The following FAM120B variants were observed in gnomAD, a reference collection of about 807,000 sequenced individuals.
FAM120B encodes the protein constitutive coactivator of peroxisome proliferator-activated receptor gamma.
In FAM120B, 83 loss-of-function variants were observed where a neutral mutation model predicts 96.3. The observed-to-expected ratio is 0.86, with a 90% CI of 0.72 to 1.03. FAM120B has a LOEUF of 1.03. Among genes scored for constraint, FAM120B ranks in the 50% least tolerant of loss-of-function variants. The pLI, the probability that FAM120B is intolerant of heterozygous loss-of-function variation, is 0.00. For missense variants in FAM120B, 1,027 were observed against 1,121.2 expected (o/e 0.92, Z 1.20); for synonymous variants, 407 against 402.7 (o/e 1.01, Z -0.13).
In FAM120B at chr6:170,361,198, GTATATATATATATATATATATATATATA is replaced by G. The variant is rs71010657; in HGVS notation, c.2283+2891_2283+2918del. ...GCCTTAAAACTATATATATATACGT[GTATATATATATATATATATATATATATA>G]TATATATATACACGTATATATATAT... On this transcript the variant is annotated intron_variant, in intron 6 of 10. Coordinates refer to ENST00000476287, the MANE Select transcript of FAM120B (RefSeq NM_032448.3). 9.1e-5 allele frequency among the ~76,000 whole-genome samples: 6 copies of G among 66,026 alleles called. 1 individual carries two copies. Among genetic ancestry groups the G allele is most frequent in the Middle Eastern group, 0.028 (2 of 72 alleles). 43.3% of individuals were successfully genotyped at this position (66,026 alleles called of 152,430 possible). A position where few individuals can be genotyped will look rare whatever the true frequency, so the allele number is the denominator to read the frequency against.
intron 5 of FAM120B, among the ~76,000 whole-genome samples, chr6:170,354,748 C>T (rs1206812346): frequency 6.8e-6 from 1 of 147,898 alleles, no homozygotes. Context: ...ACGGTGAAAC[C>T]CCGTCTCTAC....
intron 9 of FAM120B, among the ~76,000 whole-genome samples, chr6:170,397,467 G>C (rs1778234212): frequency 6.6e-6 from 1 of 152,152 alleles, no homozygotes. Flanking sequence ...GAGGTCAGGT[G>C]GGCTAGACTT....
intron 6 of FAM120B, among the ~76,000 whole-genome samples, chr6:170,385,582 G>A (rs1790139807): frequency 6.6e-6 from 1 of 152,172 alleles, no homozygotes; most frequent in African/African-American, 2.4e-5. Flanking sequence ...AAGCCACTCT[G>A]GATGGCCATG....
chr6:170,321,747 C>T (rs1785301067), intron 2 of FAM120B, among the ~76,000 whole-genome samples: 2 of 152,180 alleles, frequency 1.3e-5, no homozygotes, highest in African/African-American at 4.8e-5. Context: ...AAGTGCTTTT[C>T]TTATATTGAC....
rs9460009 is a variant in FAM120B, at chr6:170,405,052, T to C, written c.*301T>C. The C allele has an allele frequency of 0.13, 20,507 of 158,774 alleles. 1,623 individuals are homozygous for C. The highest frequency in any genetic ancestry group is 0.22 in the African/African-American group (9,137 of 41,676). 9.8% of individuals were successfully genotyped at this position (158,774 alleles called of 1,614,324 possible). ...TATATATGATGCCTAGCTAATTTCA[T>C]TTTAAAATAAATGGGAATCTGTTGT... On this transcript the variant is annotated 3_prime_UTR_variant, in exon 11 of 11. Coordinates refer to ENST00000476287, the MANE Select transcript of FAM120B (RefSeq NM_032448.3).
chr6:170,355,400 C>G (rs74815604), intron 5 of FAM120B, among the ~76,000 whole-genome samples: 9 of 152,206 alleles, frequency 5.9e-5, no homozygotes, highest in Non-Finnish European at 4.4e-5. Context: ...AAAGGAACTA[C>G]ATCATGTCCT....
chr6:170,330,757 A>G (rs750238634), intron 4 of FAM120B: 39 of 560,526 alleles, frequency 7.0e-5, no homozygotes, highest in South Asian at 1.3e-4. Context: ...ACCCTGGACC[A>G]TCTGCGGCGG....
intron 3 of FAM120B, among the ~76,000 whole-genome samples, chr6:170,327,331 C>A (rs1785662318): frequency 6.6e-6 from 1 of 152,180 alleles, no homozygotes; most frequent in Non-Finnish European, 1.5e-5. Context: ...CAGGCGTGAG[C>A]CACCGCGCCC....
intron 4 of FAM120B, among the ~76,000 whole-genome samples, chr6:170,341,882 G>A (rs371463673): frequency 2.6e-5 from 4 of 152,210 alleles, no homozygotes; most frequent in South Asian, 2.1e-4. Flanking sequence ...AGCCTTCTGC[G>A]TTGGAATTGC....
chr6:170,401,973 T>A lies in FAM120B; in HGVS notation c.2693-2577T>A, dbSNP rs1778606424. On this transcript the variant is annotated intron_variant, in intron 9 of 10. Coordinates refer to ENST00000476287, the MANE Select transcript of FAM120B (RefSeq NM_032448.3). ...GGCCACAGGCCTCCCCAAGAGGCAC[T>A]CTCTCTTCCCCGAACATGCCATCCT... Among the ~76,000 whole-genome samples the A allele has an allele frequency of 2.0e-5, 3 of 152,196 alleles. No homozygotes were observed. In the South Asian group the frequency reaches 6.2e-4, roughly 31 times the overall value.
At position 170,395,598 on chromosome 6, in the gene FAM120B, ACT is replaced by A. The variant is rs1033217191; in HGVS notation, c.2692+22_2692+23del. ...GGACCAGGTAAGAAGGCCAGTGGTCACTCTGCTGGGCCACCTGCATGGCACTG... is the reference window on the plus strand; with the variant it reads ...GGACCAGGTAAGAAGGCCAGTGGTCACTGCTGGGCCACCTGCATGGCACTG... On this transcript the variant is annotated intron_variant, in intron 9 of 10. Transcript: ENST00000476287. 6.4e-7 allele frequency: 1 copy of A among 1,559,072 alleles called. No homozygotes were observed. Among genetic ancestry groups the A allele is most frequent in the South Asian group, 1.2e-5 (1 of 85,282 alleles).
chr6:170,332,096 A>T (rs1786093135), intron 4 of FAM120B, among the ~76,000 whole-genome samples: 1 of 151,904 alleles, frequency 6.6e-6, no homozygotes, highest in Non-Finnish European at 1.5e-5. Flanking sequence ...CACAGCTATT[A>T]CTCCAGACAT....
rs1785401931 is a variant in FAM120B, at chr6:170,323,145, A to G, written c.1801A>G (p.Ile601Val). The G allele has an allele frequency of 6.2e-7, 1 of 1,614,038 alleles. No individual in the cohort carries two copies. The highest frequency in any genetic ancestry group is 8.5e-7 in the Non-Finnish European group (1 of 1,180,028). Reference sequence around the variant, plus strand: ...GTACAACATCATGAGCAGTGGAGAGATTGAATGCAGCAACACCCTAGAAGA... The same window carrying G: ...GTACAACATCATGAGCAGTGGAGAGGTTGAATGCAGCAACACCCTAGAAGA... ...LVYNIMSSGE[I>V]ECSNTLEDEL... is the part of the protein sequence containing the mutation. The change falls in exon 3 of 11, where the codon ATT becomes GTT. Residue 601 changes from isoleucine to valine, a missense_variant. Physicochemically the swap from Ile to Val is conservative, Grantham distance 29. Around this residue, in one of 3 missense-constraint regions of FAM120B, gnomAD observed 880 missense variants for 980.9 expected, o/e 0.90. Transcript: ENST00000476287.
At chr6:170,312,981 C>T in intron 1 of FAM120B, among the ~76,000 whole-genome samples, 1 of 152,124 alleles carries the variant, frequency 6.6e-6, no homozygotes, top group East Asian at 1.9e-4. Flanking sequence ...CTACAAGCCC[C>T]AGATTGAGGC....
chr6:170,402,224 C>T (rs1362551021), intron 9 of FAM120B, among the ~76,000 whole-genome samples: 5 of 152,230 alleles, frequency 3.3e-5, no homozygotes, highest in Non-Finnish European at 2.9e-5. Flanking sequence ...CCTGTAGATT[C>T]CCGAATCCCT....
At chr6:170,328,292 C>G (rs1211396631) in intron 3 of FAM120B, among the ~76,000 whole-genome samples, 1 of 152,152 alleles carries the variant, frequency 6.6e-6, no homozygotes, top group East Asian at 1.9e-4. Context: ...GTTAAAAGCT[C>G]AGACACAAGC....
intron 4 of FAM120B, 126 bp downstream of exon 4, chr6:170,330,676 C>A: frequency 1.4e-6 from 1 of 709,134 alleles, no homozygotes. Flanking sequence ...TATTTAAACC[C>A]TTGGCTCATG....
intron 1 of FAM120B, among the ~76,000 whole-genome samples, chr6:170,312,221 C>G (rs1374908709): frequency 6.6e-6 from 1 of 152,066 alleles, no homozygotes; most frequent in Non-Finnish European, 1.5e-5. Context: ...TGTGTTTTCT[C>G]TGAATTTTCT....
At chr6:170,305,225 T>C (rs1052118368), upstream of FAM120B, among the ~76,000 whole-genome samples, 5 of 152,182 alleles carry the variant, frequency 3.3e-5, no homozygotes, top group African/African-American at 1.2e-4. Flanking sequence ...GTTTCACTTG[T>C]TGCCTAGTAT....
Sources: gnomAD v4.1 joint callset for allele counts (sites outside exome capture counted in the v4.1 genomes callset) on GRCh38, gnomAD v4.1.1 for gene constraint, gnomAD v4.1.1 regional missense constraint, MANE v1.5 for transcripts, NCBI Gene and HGNC (gene_info 2026-07-23, HGNC 2026-07-21) for gene names.